GLIS3: variants seen among roughly 807,000 people sequenced by gnomAD.
The protein encoded by GLIS3 is zinc finger protein GLIS3.
In GLIS3, 53 loss-of-function variants were observed where a neutral mutation model predicts 78.6. The ratio of observed to expected loss-of-function variants is 0.67; its 90% CI spans 0.54 to 0.85. GLIS3 has a LOEUF of 0.85. GLIS3 is among the 40% of genes least tolerant of loss of function. GLIS3 has a pLI of 0.00. For missense variants in GLIS3, 1,703 were observed against 1,231.1 expected (o/e 1.38, Z -5.74); for synonymous variants, 684 against 509.9 (o/e 1.34, Z -4.60).
intron 4 of GLIS3, among the ~76,000 whole-genome samples, chr9:3,986,718 G>T (rs1819767347): frequency 6.6e-6 from 1 of 152,222 alleles, no homozygotes; most frequent in South Asian, 2.1e-4. Flanking sequence ...GGGACCAGTG[G>T]AAGCCCCAGC....
intron 2 of GLIS3, among the ~76,000 whole-genome samples, chr9:4,314,316 A>G (rs989256993): frequency 2.9e-4 from 44 of 152,234 alleles, no homozygotes; most frequent in African/African-American, 9.7e-4. Flanking sequence ...TCTTTCTCCC[A>G]GGCTGCATGT....
intron 9 of GLIS3, among the ~76,000 whole-genome samples, chr9:3,853,011 C>CT (rs1455121758): frequency 6.6e-6 from 1 of 152,160 alleles, no homozygotes; most frequent in East Asian, 1.9e-4. Context: ...GAGTTCAAGA[C>CT]CAGCCTGGGC....
rs145885607 is a variant in GLIS3, at chr9:4,097,688, G to A, written c.1710+20080C>T. Among the ~76,000 whole-genome samples the A allele has an allele frequency of 3.7e-3, 565 of 152,274 alleles. 1 individual carries two copies. Among genetic ancestry groups the A allele is most frequent in the African/African-American group, 0.012 (511 of 41,550 alleles). ...CATCGGTATGTGCAGTGCTATTGTT[G>A]TTGAATGTGAAGCACACTGAATTGC... On this transcript the variant is annotated intron_variant, in intron 4 of 10. Transcript: ENST00000381971.
At chr9:3,874,640 C>A (rs565372518) in intron 8 of GLIS3, among the ~76,000 whole-genome samples, 1 of 152,190 alleles carries the variant, frequency 6.6e-6, no homozygotes, top group Non-Finnish European at 1.5e-5. Flanking sequence ...ACACTCTCTC[C>A]AAGTAGAGAG....
At chr9:4,292,062 A>G (rs1816026975) in intron 1 of GLIS3, among the ~76,000 whole-genome samples, 2 of 152,168 alleles carry the variant, frequency 1.3e-5, no homozygotes, top group African/African-American at 4.8e-5. Flanking sequence ...ACTTGGAACC[A>G]AAAAGATTTT....
At chr9:4,056,187 C>T (rs990010914) in intron 4 of GLIS3, among the ~76,000 whole-genome samples, 1 of 152,196 alleles carries the variant, frequency 6.6e-6, no homozygotes, top group African/African-American at 2.4e-5. Flanking sequence ...AGCAGGGTGT[C>T]CTGCAAAGTA....
chr9:3,928,413 G>A (rs1015556397), intron 6 of GLIS3, among the ~76,000 whole-genome samples: 7 of 152,228 alleles, frequency 4.6e-5, no homozygotes, highest in Admixed American at 2.0e-4. Context: ...GACAGAAAAA[G>A]TGTGCCTTAT....
At chr9:4,193,918 A>G (rs1230995166) in intron 2 of GLIS3, among the ~76,000 whole-genome samples, 2 of 152,222 alleles carry the variant, frequency 1.3e-5, no homozygotes, top group Non-Finnish European at 2.9e-5. Flanking sequence ...TTGACCAATC[A>G]TGTGGTAAGC....
chr9:4,418,523 G>T, the GLIS3 span, among the ~76,000 whole-genome samples: 1 of 152,078 alleles, frequency 6.6e-6, no homozygotes, highest in Admixed American at 6.6e-5. Flanking sequence ...ACATGGTGAA[G>T]CCCCGTGTCT....
At chr9:4,100,602 G>A (rs955333188) in intron 4 of GLIS3, among the ~76,000 whole-genome samples, 5 of 152,100 alleles carry the variant, frequency 3.3e-5, no homozygotes, top group African/African-American at 1.2e-4. Context: ...CAAATTCTGA[G>A]GGCTTTTTTT....
At chr9:4,397,879 G>A in the GLIS3 span, among the ~76,000 whole-genome samples, 4 of 151,904 alleles carry the variant, frequency 2.6e-5, 1 homozygote, top group African/African-American at 9.7e-5. Flanking sequence ...TGAGCATACT[G>A]TCAAGCAAAC....
intron 9 of GLIS3, among the ~76,000 whole-genome samples, chr9:3,839,211 T>G (rs2130048974): frequency 6.6e-6 from 1 of 152,354 alleles, no homozygotes; most frequent in African/African-American, 2.4e-5. Flanking sequence ...ACCAATACTT[T>G]GTTTATATGA....
chr9:4,474,858 A>G, the GLIS3 span, among the ~76,000 whole-genome samples: 1 of 151,820 alleles, frequency 6.6e-6, no homozygotes, highest in South Asian at 2.1e-4. Context: ...CACCACACCC[A>G]GCTGATTTTT....
At chr9:4,485,270 C>T in the GLIS3 span, among the ~76,000 whole-genome samples, 1 of 152,148 alleles carries the variant, frequency 6.6e-6, no homozygotes, top group Non-Finnish European at 1.5e-5. Context: ...CCTCCTCGGC[C>T]TCCCAAAGTG....
intron 4 of GLIS3, among the ~76,000 whole-genome samples, chr9:3,973,961 TAAAAG>T (rs879854049): frequency 1.3e-5 from 2 of 152,192 alleles, no homozygotes; most frequent in African/African-American, 2.4e-5. Flanking sequence ...TTAGATTTCT[TAAAAG>T]AAAATTCTTA....
rs1209107337 is a variant in GLIS3, at chr9:4,263,122, G to A, written c.388+22916C>T. ...GTAACCCACACTGAAATGGCCATGG[G>A]CTTGACCTCTGAAGTAACCTCTGCC... On this transcript the variant is annotated intron_variant, in intron 2 of 10. Coordinates refer to ENST00000381971, the MANE Select transcript of GLIS3 (RefSeq NM_001042413.2). Among the ~76,000 whole-genome samples, 33 of 152,070 alleles carry A rather than the reference G, an allele frequency of 2.2e-4. 2 individuals carry two copies. Among genetic ancestry groups the A allele is most frequent in the Non-Finnish European group, 4.4e-5 (3 of 68,010 alleles).
At chr9:4,308,459 G>A (rs1156557742) in intron 4 of GLIS3, among the ~76,000 whole-genome samples, 1 of 152,032 alleles carries the variant, frequency 6.6e-6, no homozygotes, top group African/African-American at 2.4e-5. Context: ...AAGAGGAGAA[G>A]GGAGAATGAA....
At chr9:4,408,886 G>T in the GLIS3 span, among the ~76,000 whole-genome samples, 1 of 151,832 alleles carries the variant, frequency 6.6e-6, no homozygotes, top group East Asian at 1.9e-4. Context: ...TGAGGAGATG[G>T]ATACCCAGTT....
chr9:4,093,711 A>G (rs1413842771), intron 4 of GLIS3, among the ~76,000 whole-genome samples: 1 of 152,128 alleles, frequency 6.6e-6, no homozygotes, highest in African/African-American at 2.4e-5. Flanking sequence ...CCACTGGCTG[A>G]GTTTGATTTG....
Sources: allele counts gnomAD v4.1 joint callset (sites outside exome capture counted in the v4.1 genomes callset), GRCh38; gene constraint gnomAD v4.1.1; transcripts MANE v1.5; gene names NCBI Gene and HGNC (gene_info 2026-07-23, HGNC 2026-07-21).